Variants in TSHZ2 observed in about 807,000 individuals in gnomAD.
TSHZ2 encodes teashirt homolog 2.
A neutral mutation model predicts 74.4 loss-of-function variants in TSHZ2; 21 were observed. That is an observed-to-expected ratio of 0.28 (90% CI 0.20 to 0.41). The LOEUF is 0.41. Among genes scored for constraint, TSHZ2 ranks in the 10% least tolerant of loss-of-function variants. The pLI is 1.00. For missense variants in TSHZ2, 1,244 were observed against 1,293.5 expected, an observed-to-expected ratio of 0.96 and a Z score of 0.59; for synonymous variants, 540 against 515.3, an observed-to-expected ratio of 1.05 and a Z score of -0.65.
At chr20:53,147,661 G>T (rs1408279133) in intron 1 of TSHZ2, among the ~76,000 whole-genome samples, 1 of 152,174 alleles carries the variant, frequency 6.6e-6, no homozygotes, top group Non-Finnish European at 1.5e-5. Flanking sequence ...CCAATATTCA[G>T]TTCCATCATA....
chr20:53,426,217 T>C (rs748171454), intron 2 of TSHZ2, among the ~76,000 whole-genome samples: 7 of 152,030 alleles, frequency 4.6e-5, no homozygotes, highest in African/African-American at 7.2e-5. Flanking sequence ...GGTTAAAAAA[T>C]AAAATGGAGA....
intron 1 of TSHZ2, among the ~76,000 whole-genome samples, chr20:53,005,057 A>G (rs1982588650): frequency 6.6e-6 from 1 of 152,198 alleles, no homozygotes; most frequent in Non-Finnish European, 1.5e-5. Context: ...TCACACTTGT[A>G]ATCCCAGCAC....
At chr20:53,108,740 A>T (rs1483815222) in intron 1 of TSHZ2, among the ~76,000 whole-genome samples, 1 of 152,184 alleles carries the variant, frequency 6.6e-6, no homozygotes, top group Non-Finnish European at 1.5e-5. Flanking sequence ...TTTTATGATT[A>T]ATTTGAGTTT....
chr20:53,096,682 A>G (rs73140236), intron 1 of TSHZ2, among the ~76,000 whole-genome samples: 1 of 151,924 alleles, frequency 6.6e-6, no homozygotes. Context: ...AAGGAGTCCA[A>G]CACTAGCCTG....
intron 2 of TSHZ2, among the ~76,000 whole-genome samples, chr20:53,452,441 A>G (rs1984829909): frequency 6.6e-6 from 1 of 152,154 alleles, no homozygotes; most frequent in Non-Finnish European, 1.5e-5. Context: ...CTGTACTAAA[A>G]ATACAAAAAT....
intron 2 of TSHZ2, among the ~76,000 whole-genome samples, chr20:53,272,014 A>AT (rs111252256): frequency 7.8e-4 from 114 of 147,016 alleles, no homozygotes; most frequent in Middle Eastern, 3.5e-3. Context: ...GGAGAAGTGG[A>AT]TTTTTTTTTT....
intron 2 of TSHZ2, among the ~76,000 whole-genome samples, chr20:53,351,034 GT>G (rs1980626346): frequency 6.6e-6 from 1 of 152,160 alleles, no homozygotes; most frequent in African/African-American, 2.4e-5. Context: ...ATTGCTGGGT[GT>G]TTTTTCCTCT....
intron 1 of TSHZ2, among the ~76,000 whole-genome samples, chr20:53,180,124 A>T (rs1197863432): frequency 1.3e-5 from 2 of 152,212 alleles, no homozygotes; most frequent in African/African-American, 2.4e-5. Context: ...TTACTTCAGT[A>T]GCTTCAGAGA....
chr20:53,475,835 C>G lies in TSHZ2; in HGVS notation c.*9-11309C>G, dbSNP rs879847493. On this transcript the variant is annotated intron_variant, in intron 2 of 2. Coordinates refer to ENST00000371497, the MANE Select transcript of TSHZ2 (RefSeq NM_173485.6). The stretch of plus-strand genomic sequence containing the variant: ...AAAATGACAAAGGGGATATCACCAC[C>G]GATCCCACAGAAATACAAACTACCA... Among the ~76,000 whole-genome samples, 6 of 135,704 alleles carry G rather than the reference C, an allele frequency of 4.4e-5. 1 individual carries two copies. The East Asian group carries it at 1.4e-3, about 32-fold the overall frequency. The allele number at this position is 135,704 out of a possible 152,430, so 89.0% of individuals were successfully genotyped here. A position where few individuals can be genotyped will look rare whatever the true frequency, so the allele number is the denominator to read the frequency against.
chr20:53,418,103 G>T, intron 2 of TSHZ2, among the ~76,000 whole-genome samples: 1 of 152,326 alleles, frequency 6.6e-6, no homozygotes, highest in Middle Eastern at 3.4e-3. Flanking sequence ...GTAAGGAAAG[G>T]TCTTGCTATG....
intron 1 of TSHZ2, among the ~76,000 whole-genome samples, chr20:53,185,880 T>TC (rs1988585989): frequency 6.6e-6 from 1 of 152,212 alleles, no homozygotes; most frequent in Non-Finnish European, 1.5e-5. Flanking sequence ...TTTTGTTGGC[T>TC]CTTAACTTTG....
At chr20:53,322,579 T>A (rs1300359027) in intron 2 of TSHZ2, among the ~76,000 whole-genome samples, 1 of 152,056 alleles carries the variant, frequency 6.6e-6, no homozygotes, top group African/African-American at 2.4e-5. Context: ...CCCATGATCA[T>A]TTCTGGGTGC....
At chr20:53,454,473 A>T (rs1475032573) in intron 2 of TSHZ2, among the ~76,000 whole-genome samples, 1 of 152,086 alleles carries the variant, frequency 6.6e-6, no homozygotes, top group Non-Finnish European at 1.5e-5. Context: ...GAGACAGAAG[A>T]ATCACTTGAA....
chr20:53,476,010 A>G (rs1250807224), intron 2 of TSHZ2, among the ~76,000 whole-genome samples: 2 of 133,494 alleles, frequency 1.5e-5, no homozygotes, highest in African/African-American at 3.0e-5. Context: ...AATTGTGGCA[A>G]TAATCAATAG....
At chr20:53,264,570 G>C (rs1393274658) in intron 2 of TSHZ2, among the ~76,000 whole-genome samples, 1 of 152,216 alleles carries the variant, frequency 6.6e-6, no homozygotes, top group East Asian at 1.9e-4. Flanking sequence ...CCCAAAGGAT[G>C]CATGTCCAGA....
chr20:53,436,131 G>A (rs893329138), intron 2 of TSHZ2, among the ~76,000 whole-genome samples: 6 of 106,486 alleles, frequency 5.6e-5, no homozygotes, highest in Non-Finnish European at 1.3e-4. Context: ...TTCTATGGCT[G>A]GGCTGTTTTT....
intron 1 of TSHZ2, among the ~76,000 whole-genome samples, chr20:53,088,442 A>AT (rs1985765015): frequency 1.3e-5 from 2 of 152,194 alleles, no homozygotes. Flanking sequence ...AGCACTAGCA[A>AT]CAAATTGGCA....
At chr20:53,435,526 T>A (rs1026950812) in intron 2 of TSHZ2, among the ~76,000 whole-genome samples, 12 of 152,220 alleles carry the variant, frequency 7.9e-5, no homozygotes, top group Non-Finnish European at 1.6e-4. Flanking sequence ...TTAATTTATT[T>A]ATTTTGAGAC....
intron 1 of TSHZ2, among the ~76,000 whole-genome samples, chr20:53,120,541 A>G (rs563597365): frequency 1.3e-5 from 2 of 151,770 alleles, no homozygotes; most frequent in South Asian, 2.1e-4. Flanking sequence ...AGAACACAAA[A>G]AAAGGTAACT....
Sources: allele counts gnomAD v4.1 joint callset (sites outside exome capture counted in the v4.1 genomes callset), GRCh38; gene constraint gnomAD v4.1.1; transcripts MANE v1.5; gene names NCBI Gene and HGNC (gene_info 2026-07-23, HGNC 2026-07-21).